TMEM165: variants seen among roughly 807,000 people sequenced by gnomAD.
TMEM165 encodes transmembrane protein 165.
A neutral mutation model predicts 30.0 loss-of-function variants in TMEM165; 19 were observed. The ratio of observed to expected loss-of-function variants is 0.63; its 90% CI spans 0.44 to 0.93. The LOEUF is 0.93. Ranked by LOEUF, TMEM165 falls within the 40% of genes least tolerant of loss-of-function variation. TMEM165 has a pLI of 0.00. For missense variants in TMEM165, 340 were observed against 417.0 expected (o/e 0.82, Z 1.61); for synonymous variants, 168 against 162.9 (o/e 1.03, Z -0.24).
At chr4:55,418,718 C>A (rs1721842247) in intron 4 of TMEM165, among the ~76,000 whole-genome samples, 1 of 152,016 alleles carries the variant, frequency 6.6e-6, no homozygotes, top group South Asian at 2.1e-4. Flanking sequence ...ATTTCAGTGA[C>A]ATGGAAAAAT....
At chr4:55,424,468 G>T in intron 4 of TMEM165, 70 bp from the exon 5 acceptor site, 1 of 911,142 alleles carries the variant, frequency 1.1e-6, no homozygotes, top group South Asian at 1.4e-5. Context: ...TAGTGCTTCT[G>T]AATTGTTATG....
rs79288597 is a variant in TMEM165 at position 55,398,658 on chromosome 4, C to T, written c.207+2262C>T. 3.0e-4 allele frequency among the ~76,000 whole-genome samples: 45 copies of T among 152,214 alleles called. No homozygotes were observed. The East Asian group carries it at 7.1e-3, about 24-fold the overall frequency. On this transcript the variant is annotated intron_variant, in intron 1 of 5. Coordinates refer to ENST00000381334, the MANE Select transcript of TMEM165 (RefSeq NM_018475.5). ...CACATCTTGCTGCCTTGGGTTCTTG[C>T]AAGTTGTGTGCGTGTTTTATCTGCC...
At chr4:55,450,074 G>A in intron 3 of TMEM165, 1 of 1,613,988 alleles carries the variant, frequency 6.2e-7, no homozygotes, top group Admixed American at 1.7e-5. Context: ...AGTCTGCTTT[G>A]AAGCAAGGGT....
At chr4:55,442,269 A>C (rs1723431086) in intron 3 of TMEM165, 1 of 679,138 alleles carries the variant, frequency 1.5e-6, no homozygotes, top group African/African-American at 1.8e-5. Context: ...GAAGTCTTTA[A>C]ACAATGAATA....
At chr4:55,424,682 A>C in intron 5 of TMEM165, 39 bp downstream of exon 5, 1 of 1,301,762 alleles carries the variant, frequency 7.7e-7, no homozygotes, top group South Asian at 1.2e-5. Context: ...ACATTTTAGA[A>C]TCACTGAGAG....
intron 3 of TMEM165, 96 bp downstream of exon 3, chr4:55,417,343 C>G: frequency 8.3e-7 from 1 of 1,199,298 alleles, no homozygotes; most frequent in Non-Finnish European, 1.2e-6. Context: ...GTGTGATATG[C>G]GGGGCTACAC....
chr4:55,414,003 T>C (rs547375965), intron 2 of TMEM165, among the ~76,000 whole-genome samples: 1 of 152,216 alleles, frequency 6.6e-6, no homozygotes, highest in Non-Finnish European at 1.5e-5. Context: ...GCGCGGTGGC[T>C]CACGCCTGTG....
At chr4:55,423,687 T>C (rs1722076617) in intron 4 of TMEM165, 1 of 152,798 alleles carries the variant, frequency 6.5e-6, no homozygotes, top group African/African-American at 2.4e-5. Context: ...CCTCCCAAAG[T>C]GTTGGGATTA....
At position 55,424,543 on chromosome 4, in the gene TMEM165, C is replaced by T. The variant is rs1045244308; in HGVS notation, c.798C>T (p.Pro266=). The T allele has an allele frequency of 6.2e-7, 1 of 1,610,150 alleles. No individual in the cohort carries two copies. Among genetic ancestry groups the T allele is most frequent in the South Asian group, 1.1e-5 (1 of 90,980 alleles). Reference sequence around the variant, plus strand: ...GCTGTGACGCTTGCTTCCAGGACCCCTATGGTGTAGCCGTGGGTGGAACTG... The same window carrying T: ...GCTGTGACGCTTGCTTCCAGGACCCTTATGGTGTAGCCGTGGGTGGAACTG... ...TTIVLAARED[P]YGVAVGGTVG... Residue 266 remains proline (P), a synonymous_variant, in exon 5 of 6, where the codon CCC becomes CCT. Coordinates refer to ENST00000381334, the MANE Select transcript of TMEM165 (RefSeq NM_018475.5).
intron 1 of TMEM165, among the ~76,000 whole-genome samples, chr4:55,408,012 C>T (rs941560853): frequency 3.8e-4 from 58 of 152,150 alleles, no homozygotes; most frequent in African/African-American, 1.4e-3. Context: ...ATTCCAGAGC[C>T]TATACACTTA....
chr4:55,426,912 T>C (rs974105394), downstream of TMEM165, among the ~76,000 whole-genome samples: 2 of 152,174 alleles, frequency 1.3e-5, no homozygotes, highest in African/African-American at 4.8e-5. Context: ...AGTTTTCTGC[T>C]ATAGGAAGTA....
chr4:55,425,456 GCT>G lies in TMEM165; in HGVS notation c.*5_*6del. On this transcript the variant is annotated 3_prime_UTR_variant, in exon 6 of 6. Coordinates refer to ENST00000381334, the MANE Select transcript of TMEM165 (RefSeq NM_018475.5). Reference sequence around the variant, plus strand: ...AAGCCCTGATTCTGGTTTTTAACAAGCTGTTTGTTCATCTATATTTAGTTTAA... The same window carrying G: ...AAGCCCTGATTCTGGTTTTTAACAAGGTTTGTTCATCTATATTTAGTTTAA... 6.8e-7 allele frequency: 1 copy of G among 1,470,200 alleles called. No homozygotes were observed. The allele number at this position is 1,470,200 out of a possible 1,614,324, so 91.1% of individuals were successfully genotyped here.
intron 4 of TMEM165, among the ~76,000 whole-genome samples, chr4:55,422,226 C>A (rs1349267578): frequency 6.6e-6 from 1 of 152,174 alleles, no homozygotes; most frequent in Non-Finnish European, 1.5e-5. Flanking sequence ...ATTATGCTAT[C>A]AACATTCTTC....
intron 4 of TMEM165, chr4:55,424,317 T>G: frequency 2.0e-6 from 1 of 502,934 alleles, no homozygotes. Flanking sequence ...TACAAATTGA[T>G]TTGGGTTATT....
intron 3 of TMEM165, chr4:55,431,186 T>A (rs926398458): frequency 6.6e-5 from 10 of 152,116 alleles, no homozygotes; most frequent in African/African-American, 2.2e-4. Flanking sequence ...CCGTAAAGGA[T>A]CCCCAGGCAT....
At chr4:55,400,308 A>T (rs1331954580) in intron 1 of TMEM165, among the ~76,000 whole-genome samples, 1,424 of 102,886 alleles carry the variant, frequency 0.014, 15 homozygotes, top group Middle Eastern at 0.05. Flanking sequence ...TATTATATAT[A>T]ATATTAATAC....
downstream of TMEM165, among the ~76,000 whole-genome samples, chr4:55,427,126 C>T (rs1722244667): frequency 2.0e-5 from 3 of 151,500 alleles, no homozygotes; most frequent in Admixed American, 6.6e-5. Flanking sequence ...CTCCACCGCC[C>T]GGGTTCAAGC....
chr4:55,396,359 C>A lies in TMEM165; in HGVS notation c.170C>A (p.Pro57His). The A allele has an allele frequency of 6.6e-7, 1 of 1,509,410 alleles. No homozygotes were observed. Among genetic ancestry groups the A allele is most frequent in the Non-Finnish European group, 8.8e-7 (1 of 1,134,096 alleles). 93.5% of individuals were successfully genotyped at this position (1,509,410 alleles called of 1,614,324 possible). A position where few individuals can be genotyped will look rare whatever the true frequency, so the allele number is the denominator to read the frequency against. ...CCGGCCCAGCAGCTGCAGCCGCAGC[C>A]TGTGGCTGTGCAGGGCCCCGAGCCG... ...PAPAQQLQPQ[P>H]VAVQGPEPAR... Residue 57 changes from proline to histidine, a missense_variant, in exon 1 of 6, where the codon CCT (proline) becomes CAT (histidine). Pro to His is a moderately conservative substitution (Grantham distance 77, BLOSUM62 -2). Around this residue, in one of 2 missense-constraint regions of TMEM165, gnomAD observed 120 missense variants for 109.4 expected, o/e 1.10. Coordinates refer to ENST00000381334, the MANE Select transcript of TMEM165 (RefSeq NM_018475.5).
chr4:55,412,393 C>CAAAA (rs371124857), intron 2 of TMEM165, among the ~76,000 whole-genome samples: 26,491 of 54,392 alleles, frequency 0.49, 8,236 homozygotes, highest in East Asian at 0.78. Flanking sequence ...GACTCCATCT[C>CAAAA]AAAAAAAAAA....
Sources: allele counts gnomAD v4.1 joint callset (sites outside exome capture counted in the v4.1 genomes callset), GRCh38; gene constraint gnomAD v4.1.1; regional missense constraint gnomAD v4.1.1; transcripts MANE v1.5; gene names NCBI Gene and HGNC (gene_info 2026-07-23, HGNC 2026-07-21).